Variants in DNASE1L1 observed in about 807,000 individuals in gnomAD.
DNASE1L1 encodes the protein deoxyribonuclease 1 like 1.
A neutral mutation model predicts 18.6 loss-of-function variants in DNASE1L1; 8 were observed. That is an observed-to-expected ratio of 0.43 (90% CI 0.25 to 0.78). DNASE1L1 has a LOEUF of 0.78. DNASE1L1 is among the 30% of genes least tolerant of loss of function. The probability of loss-of-function intolerance (pLI) is 0.23; values close to 1 mark genes in which losing one functional copy is unlikely to be tolerated. For missense variants in DNASE1L1, 214 were observed against 258.2 expected (o/e 0.83, Z 1.17); for synonymous variants, 114 against 114.2 (o/e 1.00, Z 0.01).
In DNASE1L1 at chrX:154,403,390, C is replaced by T. The variant is rs782636779; in HGVS notation, c.413-9G>A. On this transcript the variant is annotated splice_polypyrimidine_tract_variant and intron_variant, in intron 5 of 7. Coordinates refer to ENST00000369807, the MANE Select transcript of DNASE1L1 (RefSeq NM_001303620.2). ...CACCAGGCTGGGAAGGACTGCAAGG[C>T]CCAGGGACCGAGGGCTGCCATCCAC... 22 of 1,209,080 alleles carry T rather than the reference C, an allele frequency of 1.8e-5. No homozygotes were observed. Among genetic ancestry groups the T allele is most frequent in the Non-Finnish European group, 2.5e-5 (22 of 893,256 alleles).
chrX:154,409,160 G>A lies in DNASE1L1; in HGVS notation c.-136C>T, dbSNP rs782737706. ...AGTCTGCCTCATCCTTAAGTGGATC[G>A]CGATACCCCAGAAGAGCAGCTCCTG... On this transcript the variant is annotated 5_prime_UTR_variant, in exon 1 of 8. Transcript: ENST00000369807. 1.8e-5 allele frequency: 6 copies of A among 339,865 alleles called. No individual in the cohort carries two copies. In the Middle Eastern group the frequency reaches 1.3e-3, roughly 75 times the overall value. The allele number at this position is 339,865 out of a possible 1,213,427, so 28.0% of individuals were successfully genotyped here.
chrX:154,403,733 C>G lies in DNASE1L1; in HGVS notation c.312-111G>C. The G allele has an allele frequency of 1.2e-5, 7 of 577,356 alleles. No individual in the cohort carries two copies. In the South Asian group the frequency reaches 1.9e-4, roughly 16 times the overall value. The allele number at this position is 577,356 out of a possible 1,213,427, so 47.6% of individuals were successfully genotyped here. The stretch of plus-strand genomic sequence containing the variant: ...TCCACTAACAGCGGCAATGTGGGCA[C>G]AGCCCTCCCAACCTGTCTCTAGAAC... On this transcript the variant is annotated intron_variant, in intron 4 of 7. Coordinates refer to ENST00000369807, the MANE Select transcript of DNASE1L1 (RefSeq NM_001303620.2).
rs782374192 is a variant in DNASE1L1 at position 154,403,013 on chromosome X, G to A, written c.703C>T (p.Arg235Cys). The A allele has an allele frequency of 3.0e-5, 36 of 1,210,254 alleles. No homozygotes were observed. Among genetic ancestry groups the A allele is most frequent in the South Asian group, 1.2e-4 (7 of 56,911 alleles). The part of the protein sequence containing the change: ...TYDRVVLHGE[R>C]CRSLLHTAAA... ...GCAGTGTGCAGCAGACTCCGGCAGC[G>A]CTCCCCGTGCAGCACGACGCGGTCA... The change falls in exon 7 of 8, where the codon CGC becomes TGC. Residue 235 changes from arginine to cysteine, a missense_variant. Arg to Cys is a radical substitution (Grantham distance 180). Coordinates refer to ENST00000369807, the MANE Select transcript of DNASE1L1 (RefSeq NM_001303620.2).
At chrX:154,402,879 C>T (rs2068071846) in intron 7 of DNASE1L1, 38 bp from the exon 8 acceptor site, 1 of 1,204,125 alleles carries the variant, frequency 8.3e-7, no homozygotes, top group Non-Finnish European at 1.1e-6. Context: ...GTGCCCGGGG[C>T]CGAGGGGCTT....
chrX:154,408,598 C>T (rs2068205477), intron 1 of DNASE1L1: 1 of 112,350 alleles, frequency 8.9e-6, no homozygotes, highest in African/African-American at 3.2e-5. Context: ...ACGCCCTGTC[C>T]ATGTGGCTTT....
In DNASE1L1 at chrX:154,405,482, C is replaced by T. The variant is rs1253548431; in HGVS notation, c.87G>A (p.Leu29=). The change falls in exon 2 of 8, where the codon CTG becomes CTA. Residue 29 remains leucine, a synonymous_variant. Transcript: ENST00000369807. ...GCTCCCTGGCCACCTTGGCCAGTGT[C>T]AGCCGCTGGGCATTGAAGGCGCAGA... is the stretch of plus-strand genomic sequence containing the variant. The part of the protein sequence containing the change: ...FRICAFNAQR[L]TLAKVAREQV... The T allele has an allele frequency of 2.5e-6, 3 of 1,204,666 alleles. No individual in the cohort carries two copies. Among genetic ancestry groups the T allele is most frequent in the Non-Finnish European group, 2.2e-6 (2 of 890,731 alleles).
At chrX:154,405,341 C>T (rs376258022) in intron 2 of DNASE1L1, 93 bp downstream of exon 2, 7 of 1,118,309 alleles carry the variant, frequency 6.3e-6, no homozygotes, top group African/African-American at 3.6e-5. Flanking sequence ...CTTCTTCTCC[C>T]CTCTTCTCTA....
chrX:154,403,317 G>A lies in DNASE1L1; in HGVS notation c.477C>T (p.Asn159=), dbSNP rs782524223. ...TTPKAVEKEL[N]ALYDVFLEVS... is the part of the protein sequence containing the mutation. The stretch of plus-strand genomic sequence containing the variant: ...CCTCCAGAAACACATCGTAGAGGGC[G>A]TTCAGCTCCTTCTCTACGGCCTTAG... Residue 159 remains asparagine, a synonymous_variant, in exon 6 of 8, where the codon AAC becomes AAT. Coordinates refer to ENST00000369807, the MANE Select transcript of DNASE1L1 (RefSeq NM_001303620.2). The A allele has an allele frequency of 1.2e-5, 14 of 1,209,866 alleles. No individual in the cohort carries two copies. The South Asian group carries it at 1.4e-4, about 12-fold the overall frequency.
rs782174612 is a variant in DNASE1L1, at chrX:154,403,136, G to A, written c.580C>T (p.Arg194Cys). 28 of 1,210,167 alleles carry A rather than the reference G, an allele frequency of 2.3e-5. No individual in the cohort carries two copies. The East Asian group carries it at 6.2e-4, about 27-fold the overall frequency. ...GTCCGCAGCTCCAGCTTGTCCAGGC[G>A]CTTTTTGGTCAGTGAAGCGCAGTCA... is the stretch of plus-strand genomic sequence containing the variant. ...NADCASLTKK[R>C]LDKLELRTEP... Residue 194 changes from arginine to cysteine, a missense_variant, in exon 7 of 8, where the codon CGC (arginine) becomes TGC (cysteine). Coordinates refer to ENST00000369807, the MANE Select transcript of DNASE1L1 (RefSeq NM_001303620.2).
chrX:154,402,330 G>A lies in DNASE1L1; in HGVS notation c.*377C>T, dbSNP rs190646141. 1.9e-5 allele frequency: 3 copies of A among 161,531 alleles called. No individual in the cohort carries two copies. In the East Asian group the frequency reaches 4.9e-4, roughly 26 times the overall value. 13.3% of individuals were successfully genotyped at this position (161,531 alleles called of 1,213,427 possible). ...AATCCACAATAAACATGGCCCATTG[G>A]CATATCTGCTGCACAAGTGTCCTAT... On this transcript the variant is annotated 3_prime_UTR_variant, in exon 8 of 8. Coordinates refer to ENST00000369807, the MANE Select transcript of DNASE1L1 (RefSeq NM_001303620.2).
intron 1 of DNASE1L1, among the ~76,000 whole-genome samples, chrX:154,408,079 C>T (rs1164948001): frequency 5.5e-5 from 6 of 109,716 alleles, no homozygotes; most frequent in Admixed American, 4.9e-4. Flanking sequence ...ATTACAGGCA[C>T]GTGCCACCAC....
At chrX:154,411,658 G>A, upstream of DNASE1L1, 1 of 491,010 alleles carries the variant, frequency 2.0e-6, no homozygotes, top group Non-Finnish European at 3.6e-6. Context: ...AGAGAGCGGG[G>A]CCGGGCGCTG....
rs782184791 is a variant in DNASE1L1, at chrX:154,405,522, G to A, written c.47C>T (p.Ala16Val). 3.3e-6 allele frequency: 4 copies of A among 1,196,955 alleles called. No individual in the cohort carries two copies. Among genetic ancestry groups the A allele is most frequent in the Non-Finnish European group, 4.5e-6 (4 of 886,238 alleles). ...ALLFLILANG[A>V]QAFRICAFNA... ...GAAGGCGCAGATGCGAAAGGCCTGG[G>A]CCCCATTGGCCAGGATGAGGAAGAG... is the stretch of plus-strand genomic sequence containing the variant. Residue 16 changes from alanine (A) to valine (V), a missense_variant, in exon 2 of 8, where the codon GCC becomes GTC. Ala to Val is a moderately conservative substitution (Grantham distance 64, BLOSUM62 0). Transcript: ENST00000369807.
chrX:154,405,744 C>A, intron 1 of DNASE1L1, 89 bp from the exon 2 acceptor site: 1 of 366,917 alleles, frequency 2.7e-6, no homozygotes, highest in Non-Finnish European at 4.5e-6. Flanking sequence ...TGCACTCCAG[C>A]CTGGGTGACA....
chrX:154,402,641 G>A lies in DNASE1L1; in HGVS notation c.*66C>T. 1 of 1,094,243 alleles carries A rather than the reference G, an allele frequency of 9.1e-7. No individual in the cohort carries two copies. The allele number at this position is 1,094,243 out of a possible 1,213,427, so 90.2% of individuals were successfully genotyped here. On this transcript the variant is annotated 3_prime_UTR_variant, in exon 8 of 8. Transcript: ENST00000369807. ...TTGAAGCCCCCCAGCCCCAGGGCTG[G>A]ATGGACGGGGGAGGCTGGGGTTTAA...
chrX:154,403,862 T>C (rs1453896516), intron 4 of DNASE1L1, among the ~76,000 whole-genome samples: 1 of 112,253 alleles, frequency 8.9e-6, no homozygotes, highest in Admixed American at 9.4e-5. Flanking sequence ...ATTTCTACAA[T>C]CAATTTTAAA....
rs782780713 is a variant in DNASE1L1 at position 154,402,910 on chromosome X, C to A, written c.774+32G>T. ...GGCTTCCCTGTGACCCTGCTGCTGC[C>A]CTCCCTCCTCATGCCAGCCCCATCC... On this transcript the variant is annotated intron_variant, in intron 7 of 7. Coordinates refer to ENST00000369807, the MANE Select transcript of DNASE1L1 (RefSeq NM_001303620.2). 3.3e-6 allele frequency: 4 copies of A among 1,205,749 alleles called. No individual in the cohort carries two copies. The South Asian group carries it at 7.1e-5, about 21-fold the overall frequency.
upstream of DNASE1L1, chrX:154,411,437 G>A (rs1226479493): frequency 2.0e-5 from 4 of 204,054 alleles, no homozygotes; most frequent in Non-Finnish European, 3.6e-5. Flanking sequence ...AGCCCCACGG[G>A]GTGACGGCCA....
Position 154,402,418 on chromosome X carries a change from T to C in DNASE1L1, c.*289A>G, listed in dbSNP as rs1404874675. The C allele has an allele frequency of 6.8e-6, 2 of 296,011 alleles. No individual in the cohort carries two copies. Among genetic ancestry groups the C allele is most frequent in the Non-Finnish European group, 1.2e-5 (2 of 172,631 alleles). 24.4% of individuals were successfully genotyped at this position (296,011 alleles called of 1,213,427 possible). ...TCTTGTCATACAACATCTTCATTCC[T>C]CTTTCTGAACCCTCCCTTCCCCTAC... is the stretch of plus-strand genomic sequence containing the variant. On this transcript the variant is annotated 3_prime_UTR_variant, in exon 8 of 8. Transcript: ENST00000369807.
Sources: allele counts gnomAD v4.1 joint callset (sites outside exome capture counted in the v4.1 genomes callset), GRCh38; gene constraint gnomAD v4.1.1; transcripts MANE v1.5; gene names NCBI Gene and HGNC (gene_info 2026-07-23, HGNC 2026-07-21).